The following SEPTIN9 variants were observed in gnomAD, a reference collection of about 807,000 sequenced individuals.
SEPTIN9 encodes septin-9.
A neutral mutation model predicts 56.6 loss-of-function variants in SEPTIN9; 13 were observed. The observed-to-expected ratio is 0.23, with a 90% CI of 0.15 to 0.37. The LOEUF (loss-of-function observed/expected upper bound fraction) is 0.37, where lower values mean the gene tolerates loss of function less well. Ranked by LOEUF, SEPTIN9 falls within the 10% of genes least tolerant of loss-of-function variation. The pLI is 1.00. For missense variants in SEPTIN9, 650 were observed against 823.1 expected (o/e 0.79, Z 2.57); for synonymous variants, 332 against 334.1 (o/e 0.99, Z 0.07).
chr17:77,492,942 C>A lies in SEPTIN9; in HGVS notation c.1477-38C>A, dbSNP rs754261559. On this transcript the variant is annotated intron_variant, in intron 9 of 11. Transcript: ENST00000427177. The surrounding 1 kb of genome is among the most constrained non-coding windows in gnomAD (Gnocchi z 5.4). ...GGCCCAGGGGAGGGAATTGCCTTCCCGCACATGTGTAACCAATACCGTCTG... is the reference window on the plus strand; with the variant it reads ...GGCCCAGGGGAGGGAATTGCCTTCCAGCACATGTGTAACCAATACCGTCTG... 5.9e-5 allele frequency: 90 copies of A among 1,537,388 alleles called. No homozygotes were observed. The highest frequency in any genetic ancestry group is 7.8e-5 in the Non-Finnish European group (88 of 1,132,956).
intron 3 of SEPTIN9, chr17:77,466,338 C>T (rs568470884): frequency 2.1e-6 from 2 of 967,614 alleles, no homozygotes; most frequent in African/African-American, 3.5e-5. Context: ...CGGGCCAGGC[C>T]CCTTCCCCCT....
Position 77,497,375 on chromosome 17 carries a change from C to T in SEPTIN9, c.1625+9C>T. The T allele has an allele frequency of 6.2e-7, 1 of 1,613,388 alleles. No homozygotes were observed. Among genetic ancestry groups the T allele is most frequent in the Non-Finnish European group, 8.5e-7 (1 of 1,179,546 alleles). On this transcript the variant is annotated intron_variant, in intron 11 of 11. Coordinates refer to ENST00000427177, the MANE Select transcript of SEPTIN9 (RefSeq NM_001113491.2). ...CGGGACCTTCTCATCAGGTGAGAGA[C>T]AGGGTGCTTGGGTGGGGCTGACGGC... is the stretch of plus-strand genomic sequence containing the variant.
chr17:77,405,916 G>A lies in SEPTIN9; in HGVS notation c.721+3213G>A, dbSNP rs187311868. On this transcript the variant is annotated intron_variant, in intron 3 of 11. Transcript: ENST00000427177. This position sits in a 1 kb window ranked among gnomAD's most constrained non-coding sequence, Gnocchi z 5.8. ...ATGCACAGCTCTGACCAATCTCTGCGGCCCCTCTGTCCCCCGAGCACCAGG... is the reference window on the plus strand; with the variant it reads ...ATGCACAGCTCTGACCAATCTCTGCAGCCCCTCTGTCCCCCGAGCACCAGG... Among the ~76,000 whole-genome samples, 49 of 152,288 alleles carry A rather than the reference G, an allele frequency of 3.2e-4. No homozygotes were observed. The highest frequency in any genetic ancestry group is 6.0e-4 in the Non-Finnish European group (41 of 68,022).
chr17:77,466,577 C>T, intron 3 of SEPTIN9: 1 of 985,690 alleles, frequency 1.0e-6, no homozygotes, highest in South Asian at 4.7e-5. Flanking sequence ...CAACCCCAGG[C>T]CCTGGGTCCT....
chr17:77,402,724 T>A lies in SEPTIN9; in HGVS notation c.721+21T>A, dbSNP rs1221647636. On this transcript the variant is annotated intron_variant, in intron 3 of 11. Coordinates refer to ENST00000427177, the MANE Select transcript of SEPTIN9 (RefSeq NM_001113491.2). This position sits in a 1 kb window ranked among gnomAD's most constrained non-coding sequence, Gnocchi z 6.6. ...GGAGGGTGAGTCGCAGAGCGCTAGGTCTTGGATGCTGTGGTAATGGGGGGC... is the reference window on the plus strand; with the variant it reads ...GGAGGGTGAGTCGCAGAGCGCTAGGACTTGGATGCTGTGGTAATGGGGGGC... The A allele has an allele frequency of 6.5e-7, 1 of 1,536,738 alleles. No individual in the cohort carries two copies. The highest frequency in any genetic ancestry group is 1.4e-5 in the African/African-American group (1 of 71,964).
chr17:77,342,516 C>T (rs910022086), intron 2 of SEPTIN9, among the ~76,000 whole-genome samples: 1 of 152,210 alleles, frequency 6.6e-6, no homozygotes, highest in African/African-American at 2.4e-5. Context: ...TCATTACTTC[C>T]TTCCTTGTAC....
At chr17:77,417,115 G>A (rs114970258) in intron 3 of SEPTIN9, among the ~76,000 whole-genome samples, 1 of 152,318 alleles carries the variant, frequency 6.6e-6, no homozygotes, top group African/African-American at 2.4e-5. Context: ...CCTGTCCTCA[G>A]TTTCCCCATT....
Position 77,491,118 on chromosome 17 carries a change from G to A in SEPTIN9, c.1380+259G>A, listed in dbSNP as rs574542210. Reference sequence around the variant, plus strand: ...CAATTCTCCAGCAGAGTCTCTGAGGGGGGTTTTGGAGAAGACCTGGACCAG... The same window carrying A: ...CAATTCTCCAGCAGAGTCTCTGAGGAGGGTTTTGGAGAAGACCTGGACCAG... On this transcript the variant is annotated intron_variant, in intron 8 of 11. Coordinates refer to ENST00000427177, the MANE Select transcript of SEPTIN9 (RefSeq NM_001113491.2). Among the ~76,000 whole-genome samples, 663 of 152,314 alleles carry A rather than the reference G, an allele frequency of 4.4e-3. 5 individuals are homozygous for A. Among genetic ancestry groups the A allele is most frequent in the African/African-American group, 0.015 (615 of 41,574 alleles).
In SEPTIN9 at chr17:77,435,001, C is replaced by T. The variant is rs79890117; in HGVS notation, c.721+32298C>T. Among the ~76,000 whole-genome samples the T allele has an allele frequency of 2.3e-3, 348 of 152,204 alleles. 1 individual carries two copies. The highest frequency in any genetic ancestry group is 4.2e-3 in the Non-Finnish European group (288 of 68,004). On this transcript the variant is annotated intron_variant, in intron 3 of 11. Transcript: ENST00000427177. The surrounding 1 kb of genome is among the most constrained non-coding windows in gnomAD (Gnocchi z 4.5). ...CAACCGTGGCAGGAGTGGTGATGTCCGATGATGGTAACAAGGGCTTCCTGA... is the reference window on the plus strand; with the variant it reads ...CAACCGTGGCAGGAGTGGTGATGTCTGATGATGGTAACAAGGGCTTCCTGA...
intron 2 of SEPTIN9, among the ~76,000 whole-genome samples, chr17:77,391,738 C>T (rs2035548724): frequency 6.6e-6 from 1 of 152,280 alleles, no homozygotes; most frequent in African/African-American, 2.4e-5. Context: ...TAAAGGAATC[C>T]GTAGGACTTC....
At chr17:77,485,000 AAGGGGG>A (rs2039673318) in intron 4 of SEPTIN9, among the ~76,000 whole-genome samples, 1 of 1,232 alleles carries the variant, frequency 8.1e-4, no homozygotes, top group Non-Finnish European at 1.4e-3. Context: ...GATGGTGGTG[AAGGGGG>A]TGATGGTGGT....
intron 3 of SEPTIN9, among the ~76,000 whole-genome samples, chr17:77,415,627 CAAAAAAAAAA>C (rs772446190): frequency 1.6e-5 from 1 of 63,224 alleles, no homozygotes; most frequent in African/African-American, 5.9e-5. Context: ...GACTATGTCT[CAAAAAAAAAA>C]AAAAAAAGAA....
chr17:77,347,270 C>T (rs999059233), intron 2 of SEPTIN9, among the ~76,000 whole-genome samples: 9 of 151,018 alleles, frequency 6.0e-5, no homozygotes, highest in Non-Finnish European at 1.0e-4. Context: ...CCCAGCTACT[C>T]GGGAGGCTGA....
At position 77,445,270 on chromosome 17, in the gene SEPTIN9, C is replaced by T. The variant is rs1018428472; in HGVS notation, c.722-36874C>T. The T allele has an allele frequency of 4.3e-6, 2 of 469,058 alleles. No individual in the cohort carries two copies. Among genetic ancestry groups the T allele is most frequent in the Non-Finnish European group, 8.8e-6 (2 of 227,028 alleles). 29.1% of individuals were successfully genotyped at this position (469,058 alleles called of 1,614,324 possible). A position where few individuals can be genotyped will look rare whatever the true frequency, so the allele number is the denominator to read the frequency against. On this transcript the variant is annotated intron_variant, in intron 3 of 11. Transcript: ENST00000427177. This position sits in a 1 kb window ranked among gnomAD's most constrained non-coding sequence, Gnocchi z 4.7. ...CAGCCCTCAGAACCACATTCCTGCT[C>T]CCCAGCCCTTTCCTCCGCACCCCCA...
intron 1 of SEPTIN9, among the ~76,000 whole-genome samples, chr17:77,283,551 G>A (rs661552): frequency 0.17 from 26,552 of 152,014 alleles, 2,625 homozygotes; most frequent in African/African-American, 0.27. Flanking sequence ...ATTAAGGAAA[G>A]CAGCAAAAGA....
intron 2 of SEPTIN9, chr17:77,375,797 T>C (rs966011140): frequency 1.3e-5 from 2 of 152,790 alleles, no homozygotes; most frequent in Non-Finnish European, 2.9e-5. Flanking sequence ...CCCGAGTCGA[T>C]AGGCGTGAGA....
intron 1 of SEPTIN9, among the ~76,000 whole-genome samples, chr17:77,285,009 G>A (rs2031212079): frequency 6.6e-6 from 1 of 152,184 alleles, no homozygotes; most frequent in Non-Finnish European, 1.5e-5. Context: ...AGAAATGCCT[G>A]CTCTGTAACC....
chr17:77,335,125 T>C (rs1046340048), intron 2 of SEPTIN9, among the ~76,000 whole-genome samples: 1 of 151,978 alleles, frequency 6.6e-6, no homozygotes, highest in African/African-American at 2.4e-5. Context: ...TATTAGTATA[T>C]GTACATATAT....
intron 2 of SEPTIN9, among the ~76,000 whole-genome samples, chr17:77,394,623 AT>A (rs1314857685): frequency 1.3e-5 from 2 of 152,130 alleles, no homozygotes; most frequent in Non-Finnish European, 2.9e-5. Flanking sequence ...GGGCTCTACC[AT>A]TTCTTTGCAT....
Sources: allele counts gnomAD v4.1 joint callset (sites outside exome capture counted in the v4.1 genomes callset), GRCh38; gene constraint gnomAD v4.1.1; non-coding constraint Gnocchi (gnomAD v3.1); transcripts MANE v1.5; gene names NCBI Gene and HGNC (gene_info 2026-07-23, HGNC 2026-07-21).